ZNF346: variants seen among roughly 807,000 people sequenced by gnomAD.
The protein encoded by ZNF346 is zinc finger protein 346.
ZNF346 carries 23 observed loss-of-function variants against 33.7 expected under a neutral mutation model. That is an observed-to-expected ratio of 0.68 (90% CI 0.49 to 0.97). The LOEUF (loss-of-function observed/expected upper bound fraction) is 0.97. Among genes scored for constraint, ZNF346 ranks in the 50% least tolerant of loss-of-function variants. The pLI is 0.00. For missense variants in ZNF346, 340 were observed against 371.1 expected (o/e 0.92, Z 0.69); for synonymous variants, 134 against 142.4 (o/e 0.94, Z 0.42).
At chr5:177,025,769 A>G (rs560759732) in intron 1 of ZNF346, among the ~76,000 whole-genome samples, 2 of 152,246 alleles carry the variant, frequency 1.3e-5, no homozygotes, top group South Asian at 4.1e-4. Context: ...TTCTGGGTAC[A>G]AGTCTTTTAT....
chr5:177,041,765 T>C lies in ZNF346; in HGVS notation c.280-13T>C. ...ATTTGGCTATCTTTGATCTTTCTCC[T>C]GGGTTTTTGCAGAGCAAAAAACATG... On this transcript the variant is annotated splice_polypyrimidine_tract_variant and intron_variant, in intron 2 of 6. Coordinates refer to ENST00000358149, the MANE Select transcript of ZNF346 (RefSeq NM_012279.4). 1.3e-6 allele frequency: 2 copies of C among 1,577,516 alleles called. No homozygotes were observed. Among genetic ancestry groups the C allele is most frequent in the Non-Finnish European group, 1.7e-6 (2 of 1,147,538 alleles).
intron 1 of ZNF346, among the ~76,000 whole-genome samples, chr5:177,037,321 A>G (rs1778645235): frequency 6.6e-6 from 1 of 152,138 alleles, no homozygotes; most frequent in South Asian, 2.1e-4. Flanking sequence ...ACAGTGTTCA[A>G]TATGATTGAT....
intron 1 of ZNF346, among the ~76,000 whole-genome samples, chr5:177,029,238 T>C (rs1777328086): frequency 6.6e-6 from 1 of 152,176 alleles, no homozygotes; most frequent in South Asian, 2.1e-4. Flanking sequence ...GCCTATGTAA[T>C]GAAGCCTTCA....
At chr5:177,071,663 C>T (rs1361859905), downstream of ZNF346, among the ~76,000 whole-genome samples, 7 of 144,190 alleles carry the variant, frequency 4.9e-5, no homozygotes, top group East Asian at 4.0e-4. Flanking sequence ...CCAGCCTGGG[C>T]GACAGAGCGA....
chr5:177,077,099 A>G lies in ZNF346; in HGVS notation c.*3-2283A>G, dbSNP rs1044465138. On this transcript the variant is annotated intron_variant, in intron 8 of 8. Transcript: ENST00000503039. This position sits in a 1 kb window ranked among gnomAD's most constrained non-coding sequence, Gnocchi z 5.0. ...TTGAATAATTTTTTCTTTAACACCA[A>G]TAGTCAGCCAAATATTTGTTATGTA... Among the ~76,000 whole-genome samples, 5 of 152,224 alleles carry G rather than the reference A, an allele frequency of 3.3e-5. No homozygotes were observed. The highest frequency in any genetic ancestry group is 1.2e-4 in the African/African-American group (5 of 41,464).
chr5:177,028,496 T>TTATATATATATATATATATATATATGTA (rs150044807), intron 1 of ZNF346, among the ~76,000 whole-genome samples: 4 of 90,540 alleles, frequency 4.4e-5, no homozygotes, highest in Admixed American at 1.2e-4. Flanking sequence ...TTGTGACGTT[T>TTATATATATATATATATATATATATGTA]TATATATATA....
At chr5:177,038,271 G>GTTT (rs774293356) in intron 1 of ZNF346, among the ~76,000 whole-genome samples, 2 of 125,796 alleles carry the variant, frequency 1.6e-5, no homozygotes, top group African/African-American at 5.5e-5. Context: ...TTTTTTTTGT[G>GTTT]TGTGTGTGTT....
intron 5 of ZNF346, among the ~76,000 whole-genome samples, chr5:177,057,114 C>T (rs961588171): frequency 2.0e-5 from 3 of 151,750 alleles, no homozygotes; most frequent in South Asian, 2.1e-4. Context: ...AGTTTGAGAC[C>T]GGCCTGGCCA....
chr5:177,061,734 T>A (rs1310585949), intron 5 of ZNF346, among the ~76,000 whole-genome samples: 2 of 152,220 alleles, frequency 1.3e-5, no homozygotes, highest in African/African-American at 2.4e-5. Flanking sequence ...ATGAGGCCAC[T>A]TAGCACAGTC....
chr5:177,033,558 C>G (rs371450009), intron 1 of ZNF346, among the ~76,000 whole-genome samples: 2 of 152,154 alleles, frequency 1.3e-5, no homozygotes, highest in East Asian at 3.9e-4. Flanking sequence ...GAGTCTCACT[C>G]TGTAGCCCAG....
intron 5 of ZNF346, among the ~76,000 whole-genome samples, chr5:177,060,298 G>A (rs1001100569): frequency 1.3e-5 from 2 of 152,200 alleles, no homozygotes; most frequent in Non-Finnish European, 2.9e-5. Flanking sequence ...CGAGGTGGGT[G>A]GATCATGAGG....
intron 8 of ZNF346, among the ~76,000 whole-genome samples, chr5:177,076,549 AC>A (rs1178956046): frequency 6.6e-6 from 1 of 151,998 alleles, no homozygotes; most frequent in African/African-American, 2.4e-5. Context: ...TTTGGACAGA[AC>A]CCCTTTACCC....
intron 1 of ZNF346, among the ~76,000 whole-genome samples, chr5:177,027,095 C>G (rs1776896156): frequency 6.6e-6 from 1 of 152,066 alleles, no homozygotes; most frequent in South Asian, 2.1e-4. Flanking sequence ...CTCTTCCGCC[C>G]AGACTGGAGT....
At chr5:177,051,536 G>A (rs915326321) in intron 5 of ZNF346, among the ~76,000 whole-genome samples, 2 of 146,672 alleles carry the variant, frequency 1.4e-5, no homozygotes, top group African/African-American at 5.0e-5. Context: ...CTCTGTTTTT[G>A]TTTTTGCGTT....
At chr5:177,060,142 G>T (rs970750087) in intron 5 of ZNF346, among the ~76,000 whole-genome samples, 1 of 152,188 alleles carries the variant, frequency 6.6e-6, no homozygotes, top group Non-Finnish European at 1.5e-5. Flanking sequence ...CTTTACGGGC[G>T]GATCATCCTG....
intron 1 of ZNF346, among the ~76,000 whole-genome samples, chr5:177,038,876 T>TTGTGTGTGTGTGTGTGTGTG (rs56812954): frequency 4.4e-5 from 6 of 135,358 alleles, no homozygotes; most frequent in African/African-American, 1.4e-4. Flanking sequence ...CTTCTTCTTC[T>TTGTGTGTGTGTGTGTGTGTG]TGTGTGTGTG....
chr5:177,037,682 T>C (rs1778689488), intron 1 of ZNF346, among the ~76,000 whole-genome samples: 1 of 152,174 alleles, frequency 6.6e-6, no homozygotes, highest in Admixed American at 6.6e-5. Context: ...CAAGCTTCCA[T>C]CATCTATTCT....
intron 1 of ZNF346, among the ~76,000 whole-genome samples, chr5:177,034,005 T>C (rs1049713621): frequency 6.6e-6 from 1 of 151,736 alleles, no homozygotes; most frequent in Admixed American, 6.6e-5. Context: ...CGTCAGCCAC[T>C]TGAGTAGCAG....
chr5:177,049,281 C>T (rs1780539566), intron 4 of ZNF346, among the ~76,000 whole-genome samples: 1 of 152,200 alleles, frequency 6.6e-6, no homozygotes, highest in African/African-American at 2.4e-5. Context: ...CCAAAATCCT[C>T]AAAACTTCCC....
Sources: gnomAD v4.1 joint callset for allele counts (sites outside exome capture counted in the v4.1 genomes callset) on GRCh38, gnomAD v4.1.1 for gene constraint, Gnocchi (gnomAD v3.1) non-coding constraint, MANE v1.5 for transcripts, NCBI Gene and HGNC (gene_info 2026-07-23, HGNC 2026-07-21) for gene names.